The following OR51B5 variants were observed in gnomAD, a reference collection of about 807,000 sequenced individuals.
The protein encoded by OR51B5 is olfactory receptor 51B5.
For synonymous variants in OR51B5, 186 were observed against 144.8 expected (o/e 1.28, Z -2.04); for missense variants, 456 against 374.6 (o/e 1.22, Z -1.79).
rs537041840 is a variant in OR51B5 at position 5,504,099 on chromosome 11, A to T, written n.84+1470T>A. Among the ~76,000 whole-genome samples the T allele has an allele frequency of 2.2e-4, 34 of 152,352 alleles. 1 individual carries two copies. Among genetic ancestry groups the T allele is most frequent in the African/African-American group, 8.2e-4 (34 of 41,586 alleles). The stretch of plus-strand genomic sequence containing the variant: ...GTAAAGCCTCAATAAGTGTTAGCTA[A>T]AATTAATATTAAATAAATACAAGTA... On this transcript the variant is annotated intron_variant and non_coding_transcript_variant, in intron 1 of 4. Coordinates refer to the OR51B5 transcript ENST00000415970.
At chr11:5,468,644 CT>C (rs1180946432) in intron 1 of OR51B5, 4 of 456,288 alleles carry the variant, frequency 8.8e-6, no homozygotes, top group South Asian at 4.6e-5. Context: ...CATGGACACA[CT>C]AACCATAGGC....
At chr11:5,422,912 C>A in intron 1 of OR51B5, 2 of 1,614,024 alleles carry the variant, frequency 1.2e-6, no homozygotes, top group East Asian at 2.2e-5. Flanking sequence ...TGAGCGACTC[C>A]GTGCCCTCAA....
At chr11:5,439,816 G>A (rs752769664) in intron 1 of OR51B5, among the ~76,000 whole-genome samples, 1 of 152,112 alleles carries the variant, frequency 6.6e-6, no homozygotes, top group Non-Finnish European at 1.5e-5. Context: ...CCTTCTCAAG[G>A]TATAATCACC....
At chr11:5,373,736 C>A (rs577292253) in intron 1 of OR51B5, among the ~76,000 whole-genome samples, 2 of 152,326 alleles carry the variant, frequency 1.3e-5, no homozygotes, top group South Asian at 2.1e-4. Flanking sequence ...GCTAGCACAG[C>A]AGTCTGAGAT....
intron 1 of OR51B5, among the ~76,000 whole-genome samples, chr11:5,444,921 G>T (rs982857670): frequency 6.6e-6 from 1 of 152,156 alleles, no homozygotes; most frequent in African/African-American, 2.4e-5. Context: ...CTGCATACAT[G>T]TATGCACAGA....
chr11:5,494,357 G>A (rs1238582091), intron 1 of OR51B5, among the ~76,000 whole-genome samples: 2 of 152,040 alleles, frequency 1.3e-5, no homozygotes, highest in Admixed American at 6.6e-5. Context: ...GTACCTGAAT[G>A]TCTCCTTCCC....
intron 1 of OR51B5, among the ~76,000 whole-genome samples, chr11:5,453,012 T>C (rs2133786517): frequency 7.3e-6 from 1 of 136,570 alleles, no homozygotes; most frequent in East Asian, 1.9e-4. Context: ...GGAAAGTCTC[T>C]CATTAATTTG....
chr11:5,442,942 G>A (rs571286979), intron 1 of OR51B5, among the ~76,000 whole-genome samples: 1 of 152,160 alleles, frequency 6.6e-6, no homozygotes, highest in Admixed American at 6.5e-5. Context: ...GGTACTATTT[G>A]TCCACAATTG....
chr11:5,404,329 G>C (rs571365583), intron 1 of OR51B5, among the ~76,000 whole-genome samples: 2 of 152,120 alleles, frequency 1.3e-5, no homozygotes, highest in Non-Finnish European at 2.9e-5. Flanking sequence ...TTTCTGTCTA[G>C]CTAAAGGGTT....
intron 1 of OR51B5, among the ~76,000 whole-genome samples, chr11:5,448,568 T>C (rs2133782246): frequency 6.6e-6 from 1 of 152,282 alleles, no homozygotes; most frequent in East Asian, 1.9e-4. Flanking sequence ...AGAATAATGA[T>C]ATATTAGCTT....
chr11:5,459,121 TA>T (rs1851007642), intron 1 of OR51B5, among the ~76,000 whole-genome samples: 1 of 152,206 alleles, frequency 6.6e-6, no homozygotes, highest in African/African-American at 2.4e-5. Context: ...TTTTGAGGTA[TA>T]ATCCTTCAAT....
chr11:5,412,467 G>A (rs1183753442), intron 1 of OR51B5, among the ~76,000 whole-genome samples: 2 of 152,198 alleles, frequency 1.3e-5, no homozygotes, highest in Non-Finnish European at 2.9e-5. Flanking sequence ...CGTACTGTGC[G>A]CCAGCCGAAG....
intron 1 of OR51B5, among the ~76,000 whole-genome samples, chr11:5,382,811 T>C (rs537748074): frequency 3.0e-4 from 45 of 152,314 alleles, no homozygotes; most frequent in Non-Finnish European, 5.4e-4. Context: ...CACTTCTGTC[T>C]GGGTGTGGTC....
intron 1 of OR51B5, among the ~76,000 whole-genome samples, chr11:5,463,443 T>G (rs532480605): frequency 5.0e-4 from 76 of 152,350 alleles, no homozygotes; most frequent in African/African-American, 1.3e-3. Context: ...CGGACCACCT[T>G]GATATATCAT....
At chr11:5,389,644 C>A in intron 1 of OR51B5, 3 of 1,613,672 alleles carry the variant, frequency 1.9e-6, no homozygotes, top group Non-Finnish European at 2.5e-6. Flanking sequence ...CCCTCACTGA[C>A]CTGGGGCTGT....
intron 1 of OR51B5, among the ~76,000 whole-genome samples, chr11:5,446,695 T>C (rs1378816994): frequency 3.3e-5 from 5 of 152,216 alleles, no homozygotes; most frequent in African/African-American, 1.2e-4. Flanking sequence ...GTTCAACAAA[T>C]AAACATTCCC....
chr11:5,497,247 A>G (rs1851664051), intron 1 of OR51B5, among the ~76,000 whole-genome samples: 3 of 152,146 alleles, frequency 2.0e-5, no homozygotes, highest in Admixed American at 2.0e-4. Flanking sequence ...CAACATGGTA[A>G]AAGCCCGTCT....
chr11:5,489,034 A>G lies in OR51B5; in HGVS notation n.84+16535T>C, dbSNP rs767673177. 8.1e-6 allele frequency: 13 copies of G among 1,613,844 alleles called. No individual in the cohort carries two copies. The East Asian group carries it at 2.9e-4, about 36-fold the overall frequency. ...GGCCCAGATGTTTTGTGTCCATTCT[A>G]TCTATGCTCTGGAGTCCTCAATTCT... On this transcript the variant is annotated intron_variant and non_coding_transcript_variant, in intron 1 of 4. Transcript: ENST00000415970.
intron 1 of OR51B5, chr11:5,453,587 G>A (rs1590004089): frequency 1.2e-6 from 2 of 1,613,286 alleles, no homozygotes; most frequent in African/African-American, 1.3e-5. Flanking sequence ...CCCTCTGCGT[G>A]ATGTATGCTG....
Sources: allele counts gnomAD v4.1 joint callset (sites outside exome capture counted in the v4.1 genomes callset), GRCh38; gene constraint gnomAD v4.1.1; transcripts MANE v1.5; gene names NCBI Gene and HGNC (gene_info 2026-07-23, HGNC 2026-07-21).